SIPA1L3: variants seen among roughly 807,000 people sequenced by gnomAD.
SIPA1L3 encodes the protein signal induced proliferation associated 1 like 3.
In SIPA1L3, 59 loss-of-function variants were observed where a neutral mutation model predicts 150.1. That is an observed-to-expected ratio of 0.39 (90% CI 0.32 to 0.49). The LOEUF (loss-of-function observed/expected upper bound fraction) is 0.49. Among genes scored for constraint, SIPA1L3 ranks in the 20% least tolerant of loss-of-function variants. The probability of loss-of-function intolerance (pLI) is 0.86; values close to 1 mark genes in which losing one functional copy is unlikely to be tolerated. For synonymous variants in SIPA1L3, 1,070 were observed against 1,077.6 expected (o/e 0.99, Z 0.14); for missense variants, 2,211 against 2,489.5 (o/e 0.89, Z 2.38).
At chr19:37,977,600 T>C (rs1967106463) in intron 1 of SIPA1L3, among the ~76,000 whole-genome samples, 1 of 151,512 alleles carries the variant, frequency 6.6e-6, no homozygotes. Context: ...CCCACAGAAG[T>C]AGGAGGAACG....
At chr19:38,195,119 G>T (rs762994355) in intron 18 of SIPA1L3, among the ~76,000 whole-genome samples, 2 of 151,774 alleles carry the variant, frequency 1.3e-5, no homozygotes, top group Non-Finnish European at 2.9e-5. Flanking sequence ...TGCCCTGGTG[G>T]TGTGGGGTGC....
rs141318818 is a variant in SIPA1L3, at chr19:37,966,259, G to A, written c.-379+58901G>A. ...GCACTGCAGGGAGCTGGCAGGTTCC[G>A]TCCTTCCCAGCTTGCCACAGTGGCC... On this transcript the variant is annotated intron_variant, in intron 1 of 21. Transcript: ENST00000222345. Among the ~76,000 whole-genome samples, 38 of 152,306 alleles carry A rather than the reference G, an allele frequency of 2.5e-4. No homozygotes were observed. The East Asian group carries it at 6.7e-3, about 27-fold the overall frequency.
At chr19:38,015,107 G>A (rs1968202892) in intron 1 of SIPA1L3, among the ~76,000 whole-genome samples, 4 of 152,028 alleles carry the variant, frequency 2.6e-5, no homozygotes, top group South Asian at 2.1e-4. Flanking sequence ...GAGCCACCAC[G>A]CCCAGCTCCA....
At chr19:38,201,739 T>C (rs748999090) in intron 19 of SIPA1L3, 123 bp from the exon 20 acceptor site, 3 of 1,052,850 alleles carry the variant, frequency 2.8e-6, no homozygotes, top group South Asian at 2.0e-5. Flanking sequence ...TAAGTGCCGA[T>C]GCAGTCTGTC....
chr19:38,103,857 G>C (rs560738291), intron 6 of SIPA1L3, among the ~76,000 whole-genome samples: 3 of 130,668 alleles, frequency 2.3e-5, no homozygotes. Flanking sequence ...AGCCGAGATC[G>C]CACCACCGCA....
chr19:37,985,078 T>C lies in SIPA1L3; in HGVS notation c.-378-44011T>C, dbSNP rs569640648. On this transcript the variant is annotated intron_variant, in intron 1 of 21. Transcript: ENST00000222345. ...TTATCAGAAGTGATTGGTAGTGCTATTAAGACGTTCAATTATTGTAGCATT... is the reference window on the plus strand; with the variant it reads ...TTATCAGAAGTGATTGGTAGTGCTACTAAGACGTTCAATTATTGTAGCATT... Among the ~76,000 whole-genome samples, 4 of 152,302 alleles carry C rather than the reference T, an allele frequency of 2.6e-5. No homozygotes were observed. The South Asian group carries it at 6.2e-4, about 24-fold the overall frequency.
chr19:38,186,733 G>C (rs1972687953), intron 16 of SIPA1L3, among the ~76,000 whole-genome samples: 1 of 150,232 alleles, frequency 6.7e-6, no homozygotes, highest in African/African-American at 2.4e-5. Context: ...GCTCATGCCT[G>C]TAATCCCAGC....
chr19:38,153,013 G>A lies in SIPA1L3; in HGVS notation c.3661+46G>A, dbSNP rs760061115. On this transcript the variant is annotated intron_variant, in intron 13 of 21. Transcript: ENST00000222345. The stretch of plus-strand genomic sequence containing the variant: ...TGCGCCCACCCGCCTGCCTCACTCC[G>A]CAGGACCTCTTACTTAGAGCTTGAC... 63 of 1,590,254 alleles carry A rather than the reference G, an allele frequency of 4.0e-5. 1 individual carries two copies. The highest frequency in any genetic ancestry group is 3.9e-4 in the South Asian group (34 of 88,202).
chr19:38,192,728 C>T (rs889502594), intron 17 of SIPA1L3, among the ~76,000 whole-genome samples: 5 of 152,168 alleles, frequency 3.3e-5, no homozygotes, highest in African/African-American at 4.8e-5. Flanking sequence ...TGCCAGGGAA[C>T]CTCCACAGCA....
At position 38,088,712 on chromosome 19, in the gene SIPA1L3, C is replaced by G; in HGVS notation, c.1535-9C>G. On this transcript the variant is annotated splice_polypyrimidine_tract_variant and intron_variant, in intron 3 of 21. Coordinates refer to ENST00000222345, the MANE Select transcript of SIPA1L3 (RefSeq NM_015073.3). Reference sequence around the variant, plus strand: ...GCTGAGCCTGAACTCGCCTGCTCTTCCTTCTTAGAACATGCCAATTACTTC... The same window carrying G: ...GCTGAGCCTGAACTCGCCTGCTCTTGCTTCTTAGAACATGCCAATTACTTC... 6.2e-7 allele frequency: 1 copy of G among 1,612,744 alleles called. No homozygotes were observed. Among genetic ancestry groups the G allele is most frequent in the Non-Finnish European group, 8.5e-7 (1 of 1,179,180 alleles).
At chr19:37,937,157 C>A (rs1365005671) in intron 1 of SIPA1L3, among the ~76,000 whole-genome samples, 1 of 152,140 alleles carries the variant, frequency 6.6e-6, no homozygotes, top group African/African-American at 2.4e-5. Flanking sequence ...GCCACCATAC[C>A]TGGCCTGTAT....
chr19:38,096,991 C>T (rs1198891873), intron 4 of SIPA1L3, among the ~76,000 whole-genome samples: 5 of 152,138 alleles, frequency 3.3e-5, no homozygotes, highest in South Asian at 2.1e-4. Context: ...GTCAGCCTCT[C>T]GCAACAGCAT....
chr19:37,915,645 G>A (rs1336210595), intron 1 of SIPA1L3, among the ~76,000 whole-genome samples: 2 of 152,108 alleles, frequency 1.3e-5, no homozygotes, highest in Admixed American at 1.3e-4. Flanking sequence ...GCCTCCCAAA[G>A]TGTTGAGATT....
chr19:37,972,332 G>T (rs1366957481), intron 1 of SIPA1L3, among the ~76,000 whole-genome samples: 1 of 152,122 alleles, frequency 6.6e-6, no homozygotes, highest in Non-Finnish European at 1.5e-5. Flanking sequence ...GTGATATAGT[G>T]TGGCAAAATC....
chr19:37,957,163 C>T (rs1337065900), intron 1 of SIPA1L3, among the ~76,000 whole-genome samples: 2 of 152,174 alleles, frequency 1.3e-5, no homozygotes, highest in Non-Finnish European at 2.9e-5. Context: ...CTGCTAGTGC[C>T]ACAGTCTTCA....
intron 1 of SIPA1L3, among the ~76,000 whole-genome samples, chr19:37,911,258 T>G (rs938707465): frequency 2.6e-5 from 4 of 151,706 alleles, no homozygotes; most frequent in African/African-American, 9.7e-5. Context: ...TGCGTGTGTG[T>G]GTGTGTGTGT....
At chr19:38,114,224 C>G (rs1970830265) in intron 8 of SIPA1L3, among the ~76,000 whole-genome samples, 1 of 151,914 alleles carries the variant, frequency 6.6e-6, no homozygotes, top group Non-Finnish European at 1.5e-5. Context: ...AGTTCAAGAC[C>G]AGCCTGACCA....
At chr19:37,995,601 C>T (rs577705688) in intron 1 of SIPA1L3, among the ~76,000 whole-genome samples, 74 of 152,190 alleles carry the variant, frequency 4.9e-4, no homozygotes, top group Admixed American at 7.2e-4. Context: ...GGCTGGCCTT[C>T]GAAAGGTTAG....
At chr19:37,980,596 G>C (rs1290565836) in intron 1 of SIPA1L3, among the ~76,000 whole-genome samples, 1 of 152,200 alleles carries the variant, frequency 6.6e-6, no homozygotes, top group African/African-American at 2.4e-5. Flanking sequence ...CAGGGGGAAG[G>C]CCTGGGAGGC....
Sources: allele counts gnomAD v4.1 joint callset (sites outside exome capture counted in the v4.1 genomes callset), GRCh38; gene constraint gnomAD v4.1.1; transcripts MANE v1.5; gene names NCBI Gene and HGNC (gene_info 2026-07-23, HGNC 2026-07-21).